COL24A1: variants seen among roughly 807,000 people sequenced by gnomAD.
The protein encoded by COL24A1 is collagen alpha-1(XXIV) chain.
Under a neutral mutation model 253.9 loss-of-function variants are expected in COL24A1, and 224 were observed. The observed-to-expected ratio is 0.88, with a 90% confidence interval of 0.79 to 0.99. The LOEUF is 0.99. Among genes scored for constraint, COL24A1 ranks in the 50% least tolerant of loss-of-function variants. The pLI is 0.00. For missense variants in COL24A1, 2,131 were observed against 2,068.5 expected (o/e 1.03, Z -0.59); for synonymous variants, 685 against 673.7 (o/e 1.02, Z -0.26).
intron 28 of COL24A1, among the ~76,000 whole-genome samples, chr1:85,897,566 T>C (rs1456610870): frequency 6.6e-6 from 1 of 152,196 alleles, no homozygotes; most frequent in Non-Finnish European, 1.5e-5. Context: ...AAAATACTAC[T>C]GAAAATATTC....
At chr1:85,917,685 TTTTA>T (rs573364233) in intron 24 of COL24A1, among the ~76,000 whole-genome samples, 1 of 151,788 alleles carries the variant, frequency 6.6e-6, no homozygotes, top group Admixed American at 6.6e-5. Context: ...TTCTTATTGG[TTTTA>T]TTTATTTATT....
chr1:86,084,280 T>C (rs1702885973), intron 7 of COL24A1, among the ~76,000 whole-genome samples: 1 of 152,220 alleles, frequency 6.6e-6, no homozygotes, highest in Admixed American at 6.5e-5. Context: ...GTTCTAAGAA[T>C]AGAGATTTTA....
In COL24A1 at chr1:85,945,989, G is replaced by A. The variant is rs146718168; in HGVS notation, c.2562+15260C>T. ...AAGACTGGCTCTTGGCTGATGTCTG[G>A]GGAATTTGGATTTGGGGACAGTTCC... On this transcript the variant is annotated intron_variant, in intron 24 of 59. Coordinates refer to ENST00000370571, the MANE Select transcript of COL24A1 (RefSeq NM_152890.7). Among the ~76,000 whole-genome samples, 90 of 152,176 alleles carry A rather than the reference G, an allele frequency of 5.9e-4. 1 individual carries two copies. In the East Asian group the frequency reaches 0.015, roughly 25 times the overall value.
At chr1:86,148,799 G>T (rs1361628174) in intron 1 of COL24A1, among the ~76,000 whole-genome samples, 39 of 151,956 alleles carry the variant, frequency 2.6e-4, no homozygotes, top group African/African-American at 7.7e-4. Context: ...GAATAACGCC[G>T]CAATAAACAT....
At chr1:85,964,819 G>A (rs1691402831) in intron 23 of COL24A1, among the ~76,000 whole-genome samples, 190 bp downstream of exon 23, 1 of 151,954 alleles carries the variant, frequency 6.6e-6, no homozygotes, top group East Asian at 1.9e-4. Flanking sequence ...TTTCAGATAG[G>A]GGATACTCAA....
At chr1:85,744,965 A>C in intron 56 of COL24A1, 131 bp from the exon 57 acceptor site, 3 of 640,808 alleles carry the variant, frequency 4.7e-6, no homozygotes, top group Non-Finnish European at 7.9e-6. Context: ...GTTTATATTT[A>C]AGCATAGGCA....
intron 53 of COL24A1, among the ~76,000 whole-genome samples, chr1:85,774,636 T>C (rs758151857): frequency 6.6e-5 from 10 of 152,342 alleles, no homozygotes; most frequent in Non-Finnish European, 1.3e-4. Flanking sequence ...CCATTTCTTT[T>C]AGATTTTCTA....
intron 2 of COL24A1, among the ~76,000 whole-genome samples, chr1:86,132,376 C>A (rs867365978): frequency 8.7e-4 from 132 of 152,204 alleles, no homozygotes; most frequent in Admixed American, 1.5e-3. Context: ...GTAGTTAGAT[C>A]CCATTTGTCA....
At chr1:86,055,276 A>G (rs1700587203) in intron 10 of COL24A1, among the ~76,000 whole-genome samples, 5 of 152,196 alleles carry the variant, frequency 3.3e-5, no homozygotes, top group Admixed American at 2.6e-4. Context: ...AGCTGCACAT[A>G]TACCCCTAAA....
At chr1:86,139,933 G>C (rs899762417) in intron 2 of COL24A1, among the ~76,000 whole-genome samples, 1 of 152,024 alleles carries the variant, frequency 6.6e-6, no homozygotes, top group African/African-American at 2.4e-5. Context: ...GTCAATATCA[G>C]AATCAAGACT....
At chr1:85,985,263 T>G (rs999087534) in intron 20 of COL24A1, among the ~76,000 whole-genome samples, 6 of 151,794 alleles carry the variant, frequency 4.0e-5, no homozygotes, top group African/African-American at 1.4e-4. Context: ...TAGGAACATA[T>G]ATATCCAGAC....
chr1:86,128,899 C>T lies in COL24A1; in HGVS notation c.122-2685G>A, dbSNP rs78936084. 9.0e-3 allele frequency among the ~76,000 whole-genome samples: 1,372 copies of T among 151,968 alleles called. 23 individuals carry two copies. Among genetic ancestry groups the T allele is most frequent in the East Asian group, 0.074 (380 of 5,160 alleles). On this transcript the variant is annotated intron_variant, in intron 2 of 59. Transcript: ENST00000370571. ...ATAGTTTTATGTAGAATCACTACAT[C>T]AATATGTATGAGTTGACTGGTCAGT...
chr1:85,743,627 A>T (rs1664879338), intron 57 of COL24A1, among the ~76,000 whole-genome samples: 2 of 152,136 alleles, frequency 1.3e-5, no homozygotes, highest in Admixed American at 1.3e-4. Flanking sequence ...TAGACTTTGA[A>T]TTACATTTCA....
At chr1:85,851,591 C>T (rs947387943) in intron 37 of COL24A1, among the ~76,000 whole-genome samples, 6 of 152,146 alleles carry the variant, frequency 3.9e-5, no homozygotes, top group Non-Finnish European at 2.9e-5. Context: ...CCACTTACTT[C>T]ATATTTCCTA....
chr1:86,044,521 T>C (rs1420101654), intron 12 of COL24A1, among the ~76,000 whole-genome samples: 2 of 152,212 alleles, frequency 1.3e-5, no homozygotes, highest in East Asian at 1.9e-4. Flanking sequence ...AAATACAATT[T>C]TTCTAAAGAT....
At chr1:85,950,452 A>G (rs1689779325) in intron 24 of COL24A1, among the ~76,000 whole-genome samples, 1 of 152,194 alleles carries the variant, frequency 6.6e-6, no homozygotes, top group Non-Finnish European at 1.5e-5. Flanking sequence ...TGTGGTACCA[A>G]TTACAGAAAA....
chr1:85,885,814 A>G (rs1251657096), intron 32 of COL24A1, among the ~76,000 whole-genome samples: 2 of 152,176 alleles, frequency 1.3e-5, no homozygotes, highest in Non-Finnish European at 2.9e-5. Flanking sequence ...TATTTTTTGT[A>G]TATGGGTGCA....
intron 53 of COL24A1, among the ~76,000 whole-genome samples, chr1:85,766,890 G>A (rs1314451515): frequency 6.6e-6 from 1 of 152,028 alleles, no homozygotes; most frequent in Non-Finnish European, 1.5e-5. Flanking sequence ...CAGATCACGA[G>A]GTCAGGAGAT....
At chr1:85,773,204 C>G (rs151259650) in intron 53 of COL24A1, among the ~76,000 whole-genome samples, 1 of 152,008 alleles carries the variant, frequency 6.6e-6, no homozygotes, top group African/African-American at 2.4e-5. Context: ...ATTTCTGAGG[C>G]CTCCGTTCTG....
Sources: gnomAD v4.1 joint callset for allele counts (sites outside exome capture counted in the v4.1 genomes callset) on GRCh38, gnomAD v4.1.1 for gene constraint, MANE v1.5 for transcripts, NCBI Gene and HGNC (gene_info 2026-07-23, HGNC 2026-07-21) for gene names.